MME: variants seen among roughly 807,000 people sequenced by gnomAD.
MME encodes the protein neprilysin.
In MME, 98 loss-of-function variants were observed where a neutral mutation model predicts 113.2. The observed-to-expected ratio is 0.87, with a 90% confidence interval of 0.74 to 1.02. The LOEUF (loss-of-function observed/expected upper bound fraction) is 1.02. Ranked by LOEUF, MME falls within the 50% of genes least tolerant of loss-of-function variation. The pLI, the probability that MME is intolerant of heterozygous loss-of-function variation, is 0.00. For synonymous variants in MME, 292 were observed against 300.6 expected (o/e 0.97, Z 0.30); for missense variants, 836 against 896.0 (o/e 0.93, Z 0.86).
At chr3:155,035,815 G>C (rs1576662338) in intron 1 of MME, among the ~76,000 whole-genome samples, 1 of 152,200 alleles carries the variant, frequency 6.6e-6, no homozygotes, top group East Asian at 1.9e-4. Flanking sequence ...GCCATTGTAA[G>C]AGAGGTGTCT....
chr3:155,111,599 G>A (rs1718194628), intron 3 of MME, among the ~76,000 whole-genome samples: 1 of 152,186 alleles, frequency 6.6e-6, no homozygotes, highest in Admixed American at 6.5e-5. Flanking sequence ...TCAGAGAACT[G>A]AAACTTCCAG....
At chr3:155,029,719 G>T (rs912000357) in intron 1 of MME, among the ~76,000 whole-genome samples, 1 of 151,798 alleles carries the variant, frequency 6.6e-6, no homozygotes, top group African/African-American at 2.4e-5. Flanking sequence ...ATGTTATTTT[G>T]GCAACAATTT....
chr3:155,084,404 C>A, intron 2 of MME, 77 bp downstream of exon 2: 6 of 1,460,440 alleles, frequency 4.1e-6, no homozygotes, highest in South Asian at 2.3e-5. Context: ...ACCATCTATC[C>A]AACGAATGTG....
At chr3:155,036,005 T>C (rs556544420) in intron 1 of MME, among the ~76,000 whole-genome samples, 1 of 152,098 alleles carries the variant, frequency 6.6e-6, no homozygotes, top group South Asian at 2.1e-4. Context: ...CTTGAACCAG[T>C]ATAGTTGTGG....
rs1326179984 is a variant in MME at position 155,166,947 on chromosome 3, A to C, written c.1706A>C (p.Gln569Pro). The change falls in exon 18 of 23, where the codon CAG (glutamine) becomes CCG (proline). Residue 569 changes from glutamine to proline, a missense_variant. Coordinates refer to ENST00000360490, the MANE Select transcript of MME (RefSeq NM_007289.4). ...CAGCCCCCCTTCTTTAGTGCCCAGC[A>C]GTCCAACTCATTGAACTATGGGGGC... ...ILQPPFFSAQ[Q>P]SNSLNYGGIG... 5.6e-6 allele frequency: 9 copies of C among 1,613,644 alleles called. No homozygotes were observed. The highest frequency in any genetic ancestry group is 7.6e-6 in the Non-Finnish European group (9 of 1,179,786).
intron 8 of MME, among the ~76,000 whole-genome samples, chr3:155,136,678 T>C (rs932766103): frequency 6.6e-6 from 1 of 152,236 alleles, no homozygotes; most frequent in African/African-American, 2.4e-5. Flanking sequence ...TCTATTTTCC[T>C]ATTAGTTTTA....
At chr3:155,142,421 G>A (rs1721184259) in intron 12 of MME, 91 bp downstream of exon 12, 2 of 1,084,512 alleles carry the variant, frequency 1.8e-6, no homozygotes, top group East Asian at 2.4e-5. Context: ...AGGACATGGT[G>A]AACTTTGCAA....
In MME at chr3:155,095,444, A is replaced by T. The variant is rs1440932662; in HGVS notation, c.196+10350A>T. 2.0e-5 allele frequency among the ~76,000 whole-genome samples: 3 copies of T among 152,210 alleles called. No individual in the cohort carries two copies. The East Asian group carries it at 5.8e-4, about 29-fold the overall frequency. ...CTGGAATATCTTCCTAAATTTCCCC[A>T]GTGTAATGCAGGCATGCTATTTCTG... On this transcript the variant is annotated intron_variant, in intron 3 of 22. Coordinates refer to ENST00000360490, the MANE Select transcript of MME (RefSeq NM_007289.4).
At chr3:155,059,891 CAAAT>C (rs977562584) in intron 1 of MME, among the ~76,000 whole-genome samples, 3 of 151,898 alleles carry the variant, frequency 2.0e-5, no homozygotes, top group Non-Finnish European at 2.9e-5. Context: ...AATAAACACA[CAAAT>C]AAAATGAAAA....
chr3:155,136,428 A>C (rs1030238759), intron 8 of MME, among the ~76,000 whole-genome samples: 6 of 152,138 alleles, frequency 3.9e-5, no homozygotes, highest in African/African-American at 1.4e-4. Context: ...AATTCTGTTG[A>C]TGTGGTGAAA....
At position 155,142,066 on chromosome 3, in the gene MME, G is replaced by T. The variant is rs61758194; in HGVS notation, c.1033G>T (p.Val345Phe). The change falls in exon 11 of 23, where the codon GTT (valine) becomes TTT (phenylalanine). Residue 345 changes from valine (V) to phenylalanine (F), a missense_variant. Physicochemically the swap from Val to Phe is conservative, Grantham distance 50. Coordinates refer to ENST00000360490, the MANE Select transcript of MME (RefSeq NM_007289.4). ...NISITNEEDV[V>F]VYAPEYLTKL... ...TAGTATTACAAATGAGGAAGATGTG[G>T]TTGTTTATGCTCCAGAATATTTAAC... The T allele has an allele frequency of 6.2e-7, 1 of 1,613,626 alleles. No individual in the cohort carries two copies. Among genetic ancestry groups the T allele is most frequent in the Non-Finnish European group, 8.5e-7 (1 of 1,179,778 alleles).
At chr3:155,162,904 T>C (rs1021288911) in intron 17 of MME, among the ~76,000 whole-genome samples, 2 of 149,406 alleles carry the variant, frequency 1.3e-5, no homozygotes, top group African/African-American at 5.0e-5. Context: ...TCCCAGCTAC[T>C]CGGAAGGCTG....
intron 8 of MME, among the ~76,000 whole-genome samples, chr3:155,127,025 A>AAG (rs60196066): frequency 6.6e-6 from 1 of 150,882 alleles, no homozygotes; most frequent in Non-Finnish European, 1.5e-5. Flanking sequence ...AAAAAAAAAA[A>AAG]GAAAGGGCAT....
intron 1 of MME, chr3:155,081,024 T>C (rs1220272994): frequency 6.6e-6 from 1 of 152,212 alleles, no homozygotes; most frequent in Non-Finnish European, 1.5e-5. Context: ...AACTCCGTAT[T>C]TCAGGCTGGG....
intron 3 of MME, among the ~76,000 whole-genome samples, chr3:155,088,208 G>GCA (rs1438172154): frequency 7.8e-5 from 11 of 141,152 alleles, no homozygotes; most frequent in African/African-American, 2.7e-4. Context: ...ACACACTCGT[G>GCA]CGCGCACACA....
intron 20 of MME, 155 bp downstream of exon 20, chr3:155,168,952 A>G (rs1711609551): frequency 4.6e-6 from 3 of 655,530 alleles, no homozygotes; most frequent in South Asian, 1.9e-5. Context: ...AGTGGTGAAT[A>G]TGCTAACCAT....
chr3:155,152,516 T>C (rs145032118), intron 16 of MME, among the ~76,000 whole-genome samples: 30 of 152,198 alleles, frequency 2.0e-4, no homozygotes, highest in Non-Finnish European at 3.4e-4. Context: ...GTAATAATGA[T>C]AATAAAACTA....
chr3:155,084,416 T>C, intron 2 of MME, 89 bp downstream of exon 2: 2 of 1,356,234 alleles, frequency 1.5e-6, no homozygotes, highest in Non-Finnish European at 2.1e-6. Context: ...ACGAATGTGT[T>C]AAGGATAGAG....
At chr3:155,075,172 T>C (rs1342953435), upstream of MME, among the ~76,000 whole-genome samples, 1 of 152,086 alleles carries the variant, frequency 6.6e-6, no homozygotes, top group Non-Finnish European at 1.5e-5. Context: ...TTATCAATGT[T>C]ATCAGCCTGC....
Sources: allele counts gnomAD v4.1 joint callset (sites outside exome capture counted in the v4.1 genomes callset), GRCh38; gene constraint gnomAD v4.1.1; transcripts MANE v1.5; gene names NCBI Gene and HGNC (gene_info 2026-07-23, HGNC 2026-07-21).